The following AMPH variants were observed in gnomAD, a reference collection of about 807,000 sequenced individuals.
The protein encoded by AMPH is amphiphysin (Stiff-Mann syndrome with breast cancer 128kD autoantigen).
In AMPH, 49 loss-of-function variants were observed where a neutral mutation model predicts 99.1. The observed-to-expected ratio is 0.49, with a 90% CI of 0.39 to 0.63. AMPH has a LOEUF of 0.63. Among genes scored for constraint, AMPH ranks in the 20% least tolerant of loss-of-function variants. The pLI is 0.00. For missense variants in AMPH, 759 were observed against 863.4 expected, an observed-to-expected ratio of 0.88 and a Z score of 1.52; for synonymous variants, 314 against 317.3, an observed-to-expected ratio of 0.99 and a Z score of 0.11.
intron 2 of AMPH, among the ~76,000 whole-genome samples, chr7:38,516,017 T>A (rs1789725416): frequency 1.3e-5 from 2 of 152,226 alleles, no homozygotes; most frequent in Admixed American, 6.5e-5. Context: ...CAGCCTATGC[T>A]TATATTCATG....
Position 38,437,639 on chromosome 7 carries a change from A to AAAAAAAAGGAAAAG in AMPH, c.1018-1252_1018-1251insCTTTTCCTTTTTTT, listed in dbSNP as rs765494380. The stretch of plus-strand genomic sequence containing the variant: ...TACTAAAAATACAAAAAAAAAAAAA[A>AAAAAAAAGGAAAAG]AAAAGAAAAGAAAAATTAGTTGGGC... On this transcript the variant is annotated intron_variant, in intron 11 of 20. Transcript: ENST00000356264. 2.1e-5 allele frequency among the ~76,000 whole-genome samples: 2 copies of AAAAAAAAGGAAAAG among 96,728 alleles called. 1 individual carries two copies. The highest frequency in any genetic ancestry group is 8.5e-4 in the East Asian group (2 of 2,350). 63.5% of individuals were successfully genotyped at this position (96,728 alleles called of 152,430 possible).
At chr7:38,628,833 A>G (rs1320611747) in intron 1 of AMPH, among the ~76,000 whole-genome samples, 2 of 152,226 alleles carry the variant, frequency 1.3e-5, no homozygotes, top group African/African-American at 2.4e-5. Flanking sequence ...CCTTTCTCCA[A>G]TGAATCTTCA....
At chr7:38,570,979 A>T (rs376500070) in intron 1 of AMPH, among the ~76,000 whole-genome samples, 42 of 8,522 alleles carry the variant, frequency 4.9e-3, no homozygotes, top group African/African-American at 6.2e-3. Flanking sequence ...GAATATATAT[A>T]TATTCAATAT....
chr7:38,623,643 A>G (rs1372413067), intron 1 of AMPH, among the ~76,000 whole-genome samples: 1 of 152,202 alleles, frequency 6.6e-6, no homozygotes, highest in Non-Finnish European at 1.5e-5. Context: ...CCTCGGAAGT[A>G]AACGTGGCCA....
intron 11 of AMPH, among the ~76,000 whole-genome samples, chr7:38,451,907 C>T (rs753910912): frequency 6.6e-6 from 1 of 152,088 alleles, no homozygotes; most frequent in Admixed American, 6.5e-5. Context: ...TTTTTGTAAA[C>T]ACAAAACCAG....
At chr7:38,419,011 T>C (rs1289932570) in intron 16 of AMPH, among the ~76,000 whole-genome samples, 1 of 151,920 alleles carries the variant, frequency 6.6e-6, no homozygotes, top group Non-Finnish European at 1.5e-5. Flanking sequence ...TTATCTAGTA[T>C]GATTCTTTCA....
chr7:38,469,977 G>A (rs1488902636), intron 7 of AMPH, among the ~76,000 whole-genome samples: 1 of 151,984 alleles, frequency 6.6e-6, no homozygotes, highest in African/African-American at 2.4e-5. Flanking sequence ...CATTCCACCT[G>A]CTTCTTTCAA....
intron 10 of AMPH, among the ~76,000 whole-genome samples, chr7:38,462,588 C>G (rs1584123359): frequency 6.6e-6 from 1 of 152,156 alleles, no homozygotes; most frequent in African/African-American, 2.4e-5. Flanking sequence ...GACATATAAA[C>G]ATAACCGCTT....
At chr7:38,484,481 T>C (rs982573923) in intron 5 of AMPH, among the ~76,000 whole-genome samples, 5 of 152,070 alleles carry the variant, frequency 3.3e-5, no homozygotes. Flanking sequence ...GAAAAAACTG[T>C]GAAACAAGAA....
At chr7:38,578,994 T>C (rs1284761168) in intron 1 of AMPH, among the ~76,000 whole-genome samples, 3 of 152,176 alleles carry the variant, frequency 2.0e-5, no homozygotes, top group Admixed American at 2.0e-4. Flanking sequence ...ATTGTACACT[T>C]GTAAGAGAAT....
chr7:38,421,736 C>T (rs1423263895), intron 16 of AMPH, among the ~76,000 whole-genome samples: 1 of 152,196 alleles, frequency 6.6e-6, no homozygotes, highest in African/African-American at 2.4e-5. Context: ...ATGAACTAGT[C>T]CTCAAAGAGC....
intron 3 of AMPH, among the ~76,000 whole-genome samples, chr7:38,501,930 G>A (rs549311692): frequency 6.6e-6 from 1 of 152,134 alleles, no homozygotes; most frequent in Admixed American, 6.5e-5. Context: ...TGAACATTTG[G>A]AGGAAAAATG....
intron 2 of AMPH, among the ~76,000 whole-genome samples, chr7:38,507,307 A>C (rs867327556): frequency 1.3e-5 from 2 of 152,224 alleles, no homozygotes; most frequent in African/African-American, 4.8e-5. Context: ...CAAATTAAGC[A>C]GATAAACTAA....
chr7:38,464,345 A>G (rs763715295), intron 9 of AMPH, among the ~76,000 whole-genome samples: 10 of 152,212 alleles, frequency 6.6e-5, no homozygotes, highest in Middle Eastern at 3.2e-3. Context: ...AACCATACTG[A>G]AAACAGTAAC....
intron 1 of AMPH, among the ~76,000 whole-genome samples, chr7:38,556,308 C>T (rs6974116): frequency 0.38 from 57,341 of 151,908 alleles, 11,505 homozygotes; most frequent in Non-Finnish European, 0.45. Flanking sequence ...GTGAGCATTG[C>T]ATAATTTTAC....
At chr7:38,388,697 T>A (rs2128973182) in intron 20 of AMPH, among the ~76,000 whole-genome samples, 1 of 152,192 alleles carries the variant, frequency 6.6e-6, no homozygotes, top group Non-Finnish European at 1.5e-5. Context: ...TGGAGTGCAG[T>A]GGTGTGATCA....
intron 7 of AMPH, among the ~76,000 whole-genome samples, chr7:38,469,211 A>G (rs1787787389): frequency 6.7e-6 from 1 of 149,016 alleles, no homozygotes; most frequent in Non-Finnish European, 1.5e-5. Flanking sequence ...ACAGAGTACC[A>G]GCATACCAGG....
chr7:38,398,100 G>C (rs113958223), intron 17 of AMPH, among the ~76,000 whole-genome samples: 6,460 of 135,614 alleles, frequency 0.048, 197 homozygotes, highest in Non-Finnish European at 0.07. Context: ...CAGTTTGGAG[G>C]TTCCTCAAAA....
intron 17 of AMPH, among the ~76,000 whole-genome samples, chr7:38,403,456 C>T (rs74851026): frequency 0.058 from 8,847 of 152,302 alleles, 359 homozygotes; most frequent in East Asian, 0.19. Context: ...GGACTCCCCG[C>T]AGGCCTGCAC....
Sources: allele counts gnomAD v4.1 joint callset (sites outside exome capture counted in the v4.1 genomes callset), GRCh38; gene constraint gnomAD v4.1.1; transcripts MANE v1.5; gene names NCBI Gene and HGNC (gene_info 2026-07-23, HGNC 2026-07-21).